MINPP1: variants seen among roughly 807,000 people sequenced by gnomAD.
The protein encoded by MINPP1 is multiple inositol polyphosphate phosphatase 1.
Under a neutral mutation model 46.1 loss-of-function variants are expected in MINPP1, and 28 were observed. The ratio of observed to expected loss-of-function variants is 0.61; its 90% CI spans 0.45 to 0.83. The LOEUF (loss-of-function observed/expected upper bound fraction) is 0.83, where lower values mean the gene tolerates loss of function less well. MINPP1 is among the 40% of genes least tolerant of loss of function. MINPP1 has a pLI of 0.00. For synonymous variants in MINPP1, 268 were observed against 249.1 expected (o/e 1.08, Z -0.72); for missense variants, 603 against 610.0 (o/e 0.99, Z 0.12).
chr10:87,539,733 A>G (rs1161624966), intron 4 of MINPP1, among the ~76,000 whole-genome samples: 1 of 152,206 alleles, frequency 6.6e-6, no homozygotes, highest in Non-Finnish European at 1.5e-5. Context: ...GCCTTTCTTT[A>G]GTACGAAGTT....
Position 87,504,940 on chromosome 10 carries a change from C to T in MINPP1, c.25C>T (p.Leu9Phe), listed in dbSNP as rs1169218675. 2.5e-6 allele frequency: 4 copies of T among 1,611,466 alleles called. No homozygotes were observed. The highest frequency in any genetic ancestry group is 1.1e-5 in the South Asian group (1 of 90,882). The stretch of plus-strand genomic sequence containing the variant: ...GATGCTACGCGCGCCCGGCTGCCTC[C>T]TCCGGACCTCCGTAGCGCCTGCCGC... MLRAPGCL[L>F]RTSVAPAAAL... The change falls in exon 1 of 5, where the codon CTC becomes TTC. Residue 9 changes from leucine to phenylalanine, a missense_variant. Physicochemically the swap from Leu to Phe is conservative, Grantham distance 22. Around this residue, in one of 3 missense-constraint regions of MINPP1, gnomAD observed 239 missense variants for 189.4 expected, o/e 1.26. Coordinates refer to ENST00000371996, the MANE Select transcript of MINPP1 (RefSeq NM_004897.5).
chr10:87,523,465 C>G (rs1320330450), intron 4 of MINPP1, among the ~76,000 whole-genome samples: 1 of 151,576 alleles, frequency 6.6e-6, no homozygotes, highest in Non-Finnish European at 1.5e-5. Flanking sequence ...ATTCTCCTGC[C>G]TCAGCCTCCC....
At chr10:87,529,449 A>T (rs1468877172) in intron 4 of MINPP1, among the ~76,000 whole-genome samples, 1 of 152,092 alleles carries the variant, frequency 6.6e-6, no homozygotes, top group African/African-American at 2.4e-5. Context: ...AAAGGATTTT[A>T]TTTCTCCTTC....
intron 3 of MINPP1, among the ~76,000 whole-genome samples, chr10:87,517,008 A>G (rs1851420957): frequency 6.6e-6 from 1 of 152,180 alleles, no homozygotes; most frequent in Non-Finnish European, 1.5e-5. Context: ...TGGGAGCTAA[A>G]TGGTGAGAAC....
At chr10:87,528,652 G>A (rs1257502851) in intron 4 of MINPP1, among the ~76,000 whole-genome samples, 7 of 152,214 alleles carry the variant, frequency 4.6e-5, no homozygotes, top group African/African-American at 1.7e-4. Flanking sequence ...TTTGGAATAA[G>A]TGTGATGTGG....
At chr10:87,534,857 C>A (rs572392206) in intron 4 of MINPP1, among the ~76,000 whole-genome samples, 33 of 152,290 alleles carry the variant, frequency 2.2e-4, no homozygotes, top group African/African-American at 7.9e-4. Flanking sequence ...AATGCTTCTA[C>A]CACCTAAGAG....
chr10:87,504,934 T>G lies in MINPP1; in HGVS notation c.19T>G (p.Cys7Gly), dbSNP rs1341071594. 2 of 1,611,262 alleles carry G rather than the reference T, an allele frequency of 1.2e-6. No homozygotes were observed. ...CCCGACGATGCTACGCGCGCCCGGC[T>G]GCCTCCTCCGGACCTCCGTAGCGCC... MLRAPG[C>G]LLRTSVAPAA... The change falls in exon 1 of 5, where the codon TGC (cysteine) becomes GGC (glycine). Residue 7 changes from cysteine to glycine, a missense_variant. Cys to Gly is a radical substitution (Grantham distance 159). Coordinates refer to ENST00000371996, the MANE Select transcript of MINPP1 (RefSeq NM_004897.5).
chr10:87,508,715 A>T (rs1323420210), intron 2 of MINPP1, among the ~76,000 whole-genome samples, 182 bp downstream of exon 2: 1 of 152,166 alleles, frequency 6.6e-6, no homozygotes, highest in Admixed American at 6.5e-5. Flanking sequence ...TTTTAGATTC[A>T]TATTCTTCTT....
chr10:87,551,806 C>G (rs1851967021), intron 4 of MINPP1, among the ~76,000 whole-genome samples: 1 of 152,110 alleles, frequency 6.6e-6, no homozygotes, highest in Admixed American at 6.6e-5. Flanking sequence ...AGACACTTCT[C>G]TCTCTTTAAA....
At chr10:87,532,900 G>T (rs1029585556) in intron 4 of MINPP1, among the ~76,000 whole-genome samples, 1 of 151,918 alleles carries the variant, frequency 6.6e-6, no homozygotes, top group Non-Finnish European at 1.5e-5. Context: ...TGACAGTCAG[G>T]CACCAGTGTG....
At chr10:87,526,470 A>G (rs1426077742) in intron 4 of MINPP1, among the ~76,000 whole-genome samples, 1 of 152,170 alleles carries the variant, frequency 6.6e-6, no homozygotes, top group Non-Finnish European at 1.5e-5. Flanking sequence ...GGTAGATTGT[A>G]AAAATTTTCT....
chr10:87,526,970 C>T (rs1376482714), intron 4 of MINPP1, among the ~76,000 whole-genome samples: 1 of 152,160 alleles, frequency 6.6e-6, no homozygotes, highest in Non-Finnish European at 1.5e-5. Flanking sequence ...AGTTTGAAGT[C>T]AGGTAGCATG....
At chr10:87,535,620 C>T (rs1020872247) in intron 4 of MINPP1, among the ~76,000 whole-genome samples, 1 of 152,118 alleles carries the variant, frequency 6.6e-6, no homozygotes, top group African/African-American at 2.4e-5. Flanking sequence ...TACCTGTCAT[C>T]TAGATGCTGA....
At chr10:87,525,704 A>C (rs539793234) in intron 4 of MINPP1, among the ~76,000 whole-genome samples, 42 of 151,044 alleles carry the variant, frequency 2.8e-4, no homozygotes, top group African/African-American at 9.5e-4. Flanking sequence ...CCCTCCCCCT[A>C]CCCCACGACA....
At chr10:87,515,353 T>C (rs961028804) in intron 3 of MINPP1, among the ~76,000 whole-genome samples, 1 of 151,684 alleles carries the variant, frequency 6.6e-6, no homozygotes, top group South Asian at 2.1e-4. Context: ...TGCCACTGCA[T>C]TCCAGCCTGG....
At chr10:87,522,518 G>A (rs989699539) in intron 4 of MINPP1, among the ~76,000 whole-genome samples, 4 of 151,948 alleles carry the variant, frequency 2.6e-5, no homozygotes, top group South Asian at 2.1e-4. Context: ...TTGGTTTCCC[G>A]GTGCATATAA....
At chr10:87,518,784 T>C (rs981812769) in intron 3 of MINPP1, among the ~76,000 whole-genome samples, 1 of 152,208 alleles carries the variant, frequency 6.6e-6, no homozygotes, top group Non-Finnish European at 1.5e-5. Context: ...TGCTGGTTTA[T>C]TATAAAGGAT....
In MINPP1 at chr10:87,505,014, A is replaced by G. The variant is rs1196779539; in HGVS notation, c.99A>G (p.Leu33=). The G allele has an allele frequency of 6.2e-7, 1 of 1,612,990 alleles. No homozygotes were observed. The highest frequency in any genetic ancestry group is 2.2e-5 in the East Asian group (1 of 44,858). Reference sequence around the variant, plus strand: ...CGTCGCTTGCGCGCTGCTCTCTTCTAGAGCCGAGGGACCCGGTGGCCTCGT... The same window carrying G: ...CGTCGCTTGCGCGCTGCTCTCTTCTGGAGCCGAGGGACCCGGTGGCCTCGT... The part of the protein sequence containing the change: ...LLSSLARCSL[L]EPRDPVASSL... Residue 33 remains leucine, a synonymous_variant, in exon 1 of 5, where the codon CTA becomes CTG. Coordinates refer to ENST00000371996, the MANE Select transcript of MINPP1 (RefSeq NM_004897.5). The surrounding 1 kb of genome is among the most constrained non-coding windows in gnomAD (Gnocchi z 4.4).
intron 1 of MINPP1, among the ~76,000 whole-genome samples, chr10:87,507,259 T>G (rs73344260): frequency 0.079 from 12,029 of 152,298 alleles, 798 homozygotes; most frequent in African/African-American, 0.18. Context: ...CTGAATTAGA[T>G]TTGTAGTTTT....
Sources: gnomAD v4.1 joint callset for allele counts (sites outside exome capture counted in the v4.1 genomes callset) on GRCh38, gnomAD v4.1.1 for gene constraint, gnomAD v4.1.1 regional missense constraint, Gnocchi (gnomAD v3.1) non-coding constraint, MANE v1.5 for transcripts, NCBI Gene and HGNC (gene_info 2026-07-23, HGNC 2026-07-21) for gene names.